Variants in ACAD10 observed in about 807,000 individuals in gnomAD.
ACAD10 encodes ACAD-10.
A neutral mutation model predicts 116.8 loss-of-function variants in ACAD10; 112 were observed. The ratio of observed to expected loss-of-function variants is 0.96; its 90% CI spans 0.82 to 1.12. The LOEUF (loss-of-function observed/expected upper bound fraction) is 1.12. ACAD10 is among the 50% of genes most tolerant of loss of function. The pLI, the probability that ACAD10 is intolerant of heterozygous loss-of-function variation, is 0.00. For missense variants in ACAD10, 1,259 were observed against 1,350.2 expected (o/e 0.93, Z 1.06); for synonymous variants, 486 against 510.6 (o/e 0.95, Z 0.65).
chr12:111,747,202 T>C lies in ACAD10; in HGVS notation c.2394+16T>C, dbSNP rs772174568. 1.9e-6 allele frequency: 3 copies of C among 1,608,026 alleles called. No homozygotes were observed. The highest frequency in any genetic ancestry group is 1.1e-5 in the South Asian group (1 of 90,882). On this transcript the variant is annotated intron_variant, in intron 15 of 20. Transcript: ENST00000313698. ...CGAGCCCCAGGTACGTCGCCTGGGC[T>C]GCCACCCACTTGCCTGGCCCTGTTG...
At chr12:111,720,769 A>T (rs548735173) in intron 7 of ACAD10, among the ~76,000 whole-genome samples, 62 of 151,072 alleles carry the variant, frequency 4.1e-4, no homozygotes, top group African/African-American at 1.4e-3. Flanking sequence ...TTTTTATTTT[A>T]TTTCTTTTAT....
At chr12:111,737,058 C>G in intron 12 of ACAD10, 54 bp downstream of exon 12, 1 of 1,569,208 alleles carries the variant, frequency 6.4e-7, no homozygotes, top group Non-Finnish European at 8.7e-7. Context: ...CAGCAAGGAC[C>G]GTGCCTCCAC....
rs1263120152 is a variant in ACAD10 at position 111,753,913 on chromosome 12, A to G, written c.2959A>G (p.Lys987Glu). 12 of 1,603,660 alleles carry G rather than the reference A, an allele frequency of 7.5e-6. No homozygotes were observed. Among genetic ancestry groups the G allele is most frequent in the Non-Finnish European group, 1.0e-5 (12 of 1,173,126 alleles). ...CCACCTCATGGACCTGGCAGGAAAC[A>G]AGGTAGGGGCAGGGGCACGAGGGGG... ...AAHLMDLAGN[K>E]AAALDIAMIK... The change falls in exon 19 of 21, where the codon AAG becomes GAG. Residue 987 changes from lysine to glutamate, a missense_variant and splice_region_variant. Lys to Glu is a moderately conservative substitution (Grantham distance 56, BLOSUM62 1). Transcript: ENST00000313698.
intron 11 of ACAD10, among the ~76,000 whole-genome samples, chr12:111,734,883 T>G (rs1342854450): frequency 2.0e-5 from 3 of 152,224 alleles, no homozygotes. Flanking sequence ...AAGTATTTCT[T>G]CTATAGCATA....
At chr12:111,752,177 AGT>A (rs1270916703) in intron 18 of ACAD10, among the ~76,000 whole-genome samples, 1 of 151,618 alleles carries the variant, frequency 6.6e-6, no homozygotes, top group East Asian at 1.9e-4. Context: ...GCGACCTGTG[AGT>A]GTGCCATTGC....
chr12:111,729,830 G>A lies in ACAD10; in HGVS notation c.1268G>A (p.Arg423Gln), dbSNP rs774676511. Residue 423 changes from arginine to glutamine, a missense_variant, in exon 10 of 21, where the codon CGA becomes CAA. Transcript: ENST00000313698. ...KQGDYIPRQV[R>Q]TWVKQYRASE... Reference sequence around the variant, plus strand: ...GGGGACTATATTCCACGCCAGGTACGAACCTGGGTTAAGCAGTATCGAGCT... The same window carrying A: ...GGGGACTATATTCCACGCCAGGTACAAACCTGGGTTAAGCAGTATCGAGCT... 1.1e-5 allele frequency: 17 copies of A among 1,613,908 alleles called. No homozygotes were observed. The East Asian group carries it at 2.2e-4, about 21-fold the overall frequency.
intron 2 of ACAD10, among the ~76,000 whole-genome samples, chr12:111,696,757 T>A (rs1473509622): frequency 2.6e-5 from 4 of 152,200 alleles, no homozygotes; most frequent in Non-Finnish European, 5.9e-5. Flanking sequence ...TCTCCAAGAA[T>A]GCATTTTCAG....
At chr12:111,734,836 A>G (rs369204775) in intron 11 of ACAD10, among the ~76,000 whole-genome samples, 11 of 152,246 alleles carry the variant, frequency 7.2e-5, no homozygotes, top group African/African-American at 2.6e-4. Context: ...GCTTTTTTTC[A>G]CTTCATTGTA....
At position 111,756,998 on chromosome 12, in the gene ACAD10, G is replaced by A. The variant is rs1408136804; in HGVS notation, c.*525G>A. The stretch of plus-strand genomic sequence containing the variant: ...CCACATTGTAAAGCCACTGGCATCT[G>A]ATTATCTCCATTTGAACACACAGCA... On this transcript the variant is annotated 3_prime_UTR_variant, in exon 21 of 21. Coordinates refer to ENST00000313698, the MANE Select transcript of ACAD10 (RefSeq NM_025247.6). The A allele has an allele frequency of 9.6e-6, 4 of 417,388 alleles. No homozygotes were observed. Among genetic ancestry groups the A allele is most frequent in the Non-Finnish European group, 1.9e-5 (4 of 207,504 alleles). The allele number at this position is 417,388 out of a possible 1,614,324, so 25.9% of individuals were successfully genotyped here. A position where few individuals can be genotyped will look rare whatever the true frequency, so the allele number is the denominator to read the frequency against.
At chr12:111,742,275 T>A (rs926366761) in intron 12 of ACAD10, among the ~76,000 whole-genome samples, 1 of 151,994 alleles carries the variant, frequency 6.6e-6, no homozygotes, top group Non-Finnish European at 1.5e-5. Context: ...AAGAAGAAAA[T>A]CCTTATGAAT....
At chr12:111,703,541 T>C (rs1888410447) in intron 3 of ACAD10, among the ~76,000 whole-genome samples, 1 of 152,136 alleles carries the variant, frequency 6.6e-6, no homozygotes, top group African/African-American at 2.4e-5. Context: ...GCCACTGCAC[T>C]GTGTACTTAA....
At chr12:111,733,760 G>T (rs1320351315) in intron 10 of ACAD10, 163 bp from the exon 11 acceptor site, 5 of 739,386 alleles carry the variant, frequency 6.8e-6, no homozygotes, top group African/African-American at 1.8e-5. Flanking sequence ...AAGCCAGAGG[G>T]CAAGGGAGCC....
At chr12:111,706,564 C>G (rs1185335434) in intron 4 of ACAD10, among the ~76,000 whole-genome samples, 1 of 151,986 alleles carries the variant, frequency 6.6e-6, no homozygotes, top group African/African-American at 2.4e-5. Flanking sequence ...ATTCTCATGC[C>G]TCAGCCTCCT....
intron 8 of ACAD10, among the ~76,000 whole-genome samples, chr12:111,726,203 A>G (rs113697473): frequency 0.016 from 2,380 of 152,192 alleles, 73 homozygotes; most frequent in African/African-American, 0.054. Context: ...GCAGTAGGCC[A>G]AGATCGCACC....
chr12:111,739,144 C>T (rs1242727710), intron 12 of ACAD10, among the ~76,000 whole-genome samples: 2 of 152,188 alleles, frequency 1.3e-5, no homozygotes, highest in Non-Finnish European at 2.9e-5. Context: ...CAATTTGCAA[C>T]TCCTAATGCA....
At position 111,717,277 on chromosome 12, in the gene ACAD10, G is replaced by A. The variant is rs531320882; in HGVS notation, c.992+1315G>A. ...GGAGGCTGAGGCTGGAGAATCACTT[G>A]AACCCAGGAAGCAGAGGTTGTAGTG... On this transcript the variant is annotated intron_variant, in intron 7 of 20. Transcript: ENST00000313698. Among the ~76,000 whole-genome samples the A allele has an allele frequency of 2.7e-5, 4 of 148,098 alleles. No homozygotes were observed. In the East Asian group the frequency reaches 8.1e-4, roughly 30 times the overall value.
intron 2 of ACAD10, among the ~76,000 whole-genome samples, chr12:111,694,274 C>G (rs1301088065): frequency 1.3e-5 from 2 of 152,214 alleles, no homozygotes; most frequent in Non-Finnish European, 2.9e-5. Context: ...ACTCTTATCT[C>G]TCTGTTCCTT....
chr12:111,753,267 C>T (rs1300605141), intron 18 of ACAD10: 1 of 311,184 alleles, frequency 3.2e-6, no homozygotes, highest in Non-Finnish European at 6.4e-6. Context: ...CAGATAAGGC[C>T]ACCCACGGCG....
At chr12:111,693,508 A>G (rs1396114577) in intron 2 of ACAD10, among the ~76,000 whole-genome samples, 3 of 152,278 alleles carry the variant, frequency 2.0e-5, no homozygotes, top group African/African-American at 7.2e-5. Flanking sequence ...ACTGCACTCC[A>G]GCCTGGGTAA....
Sources: gnomAD v4.1 joint callset for allele counts (sites outside exome capture counted in the v4.1 genomes callset) on GRCh38, gnomAD v4.1.1 for gene constraint, MANE v1.5 for transcripts, NCBI Gene and HGNC (gene_info 2026-07-23, HGNC 2026-07-21) for gene names.